The following PCCA variants were observed in gnomAD, a reference collection of about 807,000 sequenced individuals.
PCCA encodes propionyl-CoA carboxylase subunit alpha.
In PCCA, 74 loss-of-function variants were observed where a neutral mutation model predicts 101.3. The observed-to-expected ratio is 0.73, with a 90% CI of 0.61 to 0.89. The LOEUF (loss-of-function observed/expected upper bound fraction) is 0.89, where lower values mean the gene tolerates loss of function less well. PCCA is among the 40% of genes least tolerant of loss of function. The pLI, the probability that PCCA is intolerant of heterozygous loss-of-function variation, is 0.00. For synonymous variants in PCCA, 294 were observed against 313.6 expected (o/e 0.94, Z 0.66); for missense variants, 891 against 907.0 (o/e 0.98, Z 0.23).
intron 21 of PCCA, among the ~76,000 whole-genome samples, chr13:100,484,793 G>A (rs1313930035): frequency 6.6e-6 from 1 of 151,896 alleles, no homozygotes; most frequent in Non-Finnish European, 1.5e-5. Flanking sequence ...CAGTCACCTG[G>A]GCAGCTGCTT....
chr13:100,315,625 G>C (rs1052920598), intron 16 of PCCA, among the ~76,000 whole-genome samples: 1 of 152,170 alleles, frequency 6.6e-6, no homozygotes, highest in African/African-American at 2.4e-5. Flanking sequence ...TGAAATAAGA[G>C]TGCTTTTGGC....
intron 4 of PCCA, among the ~76,000 whole-genome samples, chr13:100,131,283 C>G (rs1225641073): frequency 6.6e-6 from 1 of 152,120 alleles, no homozygotes; most frequent in Non-Finnish European, 1.5e-5. Flanking sequence ...AAGGCTGGTG[C>G]AGGGGAGGTT....
At chr13:100,410,660 C>T (rs551574429) in intron 19 of PCCA, among the ~76,000 whole-genome samples, 11 of 152,272 alleles carry the variant, frequency 7.2e-5, no homozygotes, top group South Asian at 2.1e-4. Flanking sequence ...TTTTATAGCA[C>T]GTATTGCAGT....
intron 2 of PCCA, among the ~76,000 whole-genome samples, chr13:100,111,407 T>G (rs1421788226): frequency 6.6e-6 from 1 of 151,222 alleles, no homozygotes; most frequent in East Asian, 1.9e-4. Flanking sequence ...GTGATCCACC[T>G]GCCTTGGCCT....
At chr13:100,492,131 A>G (rs2084948894) in intron 21 of PCCA, among the ~76,000 whole-genome samples, 1 of 150,444 alleles carries the variant, frequency 6.6e-6, no homozygotes, top group East Asian at 1.9e-4. Flanking sequence ...ATGGATTGTC[A>G]TCTCTCTCTC....
intron 2 of PCCA, among the ~76,000 whole-genome samples, chr13:100,110,932 A>G (rs2152275971): frequency 6.6e-6 from 1 of 152,054 alleles, no homozygotes; most frequent in South Asian, 2.1e-4. Flanking sequence ...CAGCCTCCCA[A>G]GTAGCTGGGA....
chr13:100,310,588 A>G (rs536357960), intron 16 of PCCA, among the ~76,000 whole-genome samples: 1 of 152,290 alleles, frequency 6.6e-6, no homozygotes, highest in African/African-American at 2.4e-5. Context: ...TTTGGTCCCA[A>G]CTAGAAGTTA....
intron 7 of PCCA, among the ~76,000 whole-genome samples, chr13:100,213,610 G>A (rs9582377): frequency 0.032 from 4,924 of 152,116 alleles, 269 homozygotes; most frequent in African/African-American, 0.11. Flanking sequence ...AGTTGTTTGA[G>A]CTCCTTATAT....
chr13:100,187,661 G>A (rs1044804180), intron 6 of PCCA, among the ~76,000 whole-genome samples: 2 of 151,928 alleles, frequency 1.3e-5, no homozygotes, highest in African/African-American at 2.4e-5. Flanking sequence ...GTACTGTAAG[G>A]TTCTTATTTT....
Position 100,440,204 on chromosome 13 carries a change from AT to A in PCCA, c.1846-9047del, listed in dbSNP as rs1566308556. ...TATATATATATATATATATATATAT[AT>A]ATATAAAACGTGATAACTTAAAATG... On this transcript the variant is annotated intron_variant, in intron 20 of 23. Transcript: ENST00000376285. 4.0e-4 allele frequency among the ~76,000 whole-genome samples: 41 copies of A among 101,606 alleles called. 1 individual carries two copies. The highest frequency in any genetic ancestry group is 7.2e-4 in the Non-Finnish European group (37 of 51,078). The allele number at this position is 101,606 out of a possible 152,430, so 66.7% of individuals were successfully genotyped here. A position where few individuals can be genotyped will look rare whatever the true frequency, so the allele number is the denominator to read the frequency against.
At chr13:100,442,155 G>A (rs542756456) in intron 20 of PCCA, among the ~76,000 whole-genome samples, 1 of 151,960 alleles carries the variant, frequency 6.6e-6, no homozygotes, top group South Asian at 2.1e-4. Context: ...CACCATGCCC[G>A]GCCAATTTTT....
chr13:100,168,691 G>A (rs935117243), intron 6 of PCCA, among the ~76,000 whole-genome samples: 2 of 152,042 alleles, frequency 1.3e-5, no homozygotes, highest in Non-Finnish European at 2.9e-5. Flanking sequence ...CTTTCTGCCC[G>A]GTTGTTAGCG....
intron 22 of PCCA, among the ~76,000 whole-genome samples, chr13:100,517,664 G>C (rs1488402946): frequency 6.6e-6 from 1 of 152,170 alleles, no homozygotes; most frequent in Non-Finnish European, 1.5e-5. Context: ...TTCTGTTTGC[G>C]GGGGCTGCTC....
At chr13:100,526,514 G>C (rs1169366267) in intron 22 of PCCA, among the ~76,000 whole-genome samples, 1 of 152,246 alleles carries the variant, frequency 6.6e-6, no homozygotes, top group South Asian at 2.1e-4. Flanking sequence ...CACACGGGGG[G>C]GCCAGAGGGG....
intron 21 of PCCA, among the ~76,000 whole-genome samples, chr13:100,453,477 T>TAA (rs374141591): frequency 7.2e-4 from 96 of 133,822 alleles, no homozygotes; most frequent in African/African-American, 2.8e-3. Context: ...CACTCTAGTT[T>TAA]AAAAAAAAAA....
At chr13:100,415,406 CA>C (rs2152876929) in intron 19 of PCCA, among the ~76,000 whole-genome samples, 1 of 152,036 alleles carries the variant, frequency 6.6e-6, no homozygotes, top group African/African-American at 2.4e-5. Flanking sequence ...ACCCTGTCTC[CA>C]AAACAAAACA....
At chr13:100,091,149 T>C (rs1310753704) in intron 1 of PCCA, among the ~76,000 whole-genome samples, 5 of 152,094 alleles carry the variant, frequency 3.3e-5, no homozygotes, top group East Asian at 1.9e-4. Flanking sequence ...CTGGCTCTTA[T>C]AGATCACATT....
intron 18 of PCCA, among the ~76,000 whole-genome samples, chr13:100,362,106 T>G (rs1253489185): frequency 6.6e-6 from 1 of 152,096 alleles, no homozygotes; most frequent in African/African-American, 2.4e-5. Flanking sequence ...TGGATGCACC[T>G]CAAAAACATT....
intron 6 of PCCA, 60 bp from the exon 7 acceptor site, chr13:100,209,272 G>T: frequency 6.9e-7 from 1 of 1,443,090 alleles, no homozygotes; most frequent in South Asian, 1.2e-5. Flanking sequence ...ATAAAATTGT[G>T]ACTCCACATC....
Sources: gnomAD v4.1 joint callset for allele counts (sites outside exome capture counted in the v4.1 genomes callset) on GRCh38, gnomAD v4.1.1 for gene constraint, MANE v1.5 for transcripts, NCBI Gene and HGNC (gene_info 2026-07-23, HGNC 2026-07-21) for gene names.